HEXB: variants seen among roughly 807,000 people sequenced by gnomAD.
The protein encoded by HEXB is hexosaminidase subunit beta.
HEXB carries 51 observed loss-of-function variants against 71.2 expected under a neutral mutation model. The ratio of observed to expected loss-of-function variants is 0.72; its 90% confidence interval spans 0.57 to 0.90. HEXB has a LOEUF of 0.90. Among genes scored for constraint, HEXB ranks in the 40% least tolerant of loss-of-function variants. The pLI, the probability that HEXB is intolerant of heterozygous loss-of-function variation, is 0.00. For missense variants in HEXB, 617 were observed against 677.0 expected (o/e 0.91, Z 0.98); for synonymous variants, 266 against 249.3 (o/e 1.07, Z -0.63).
At chr5:74,699,664 A>T (rs1749214522) in intron 5 of HEXB, among the ~76,000 whole-genome samples, 1 of 152,250 alleles carries the variant, frequency 6.6e-6, no homozygotes, top group African/African-American at 2.4e-5. Context: ...CATAAATACT[A>T]CTGCAGTGTT....
At chr5:74,694,719 C>A (rs1268912226) in intron 3 of HEXB, among the ~76,000 whole-genome samples, 4 of 152,082 alleles carry the variant, frequency 2.6e-5, no homozygotes, top group Admixed American at 6.6e-5. Flanking sequence ...AATCCCACCA[C>A]TTTGGGAGGT....
chr5:74,716,802 G>A (rs2112177400), intron 9 of HEXB, 129 bp downstream of exon 9: 6 of 623,088 alleles, frequency 9.6e-6, no homozygotes, highest in South Asian at 9.2e-5. Context: ...ACTAAAGGAG[G>A]CAATACCCAC....
chr5:74,648,525 C>G (rs1748042592), intron 1 of HEXB, among the ~76,000 whole-genome samples: 1 of 151,570 alleles, frequency 6.6e-6, no homozygotes, highest in Admixed American at 6.6e-5. Context: ...TTCAGCTTTA[C>G]CCCACAGTTA....
chr5:74,715,126 G>A (rs1749639916), intron 7 of HEXB, among the ~76,000 whole-genome samples: 3 of 152,326 alleles, frequency 2.0e-5, no homozygotes, highest in Middle Eastern at 6.8e-3. Flanking sequence ...GGAGAAGCTA[G>A]AGAAGGGAGC....
At chr5:74,698,517 G>A (rs1157130699) in intron 5 of HEXB, among the ~76,000 whole-genome samples, 1 of 151,610 alleles carries the variant, frequency 6.6e-6, no homozygotes, top group African/African-American at 2.4e-5. Flanking sequence ...TCGGCCTCCC[G>A]AGTAGCTGGG....
chr5:74,686,787 A>G (rs1159926379), intron 1 of HEXB, among the ~76,000 whole-genome samples: 2 of 152,232 alleles, frequency 1.3e-5, no homozygotes, highest in South Asian at 2.1e-4. Context: ...TGGGATATTC[A>G]GAAAGATTGC....
In HEXB at chr5:74,718,814, A is replaced by G. The variant is rs1749738520; in HGVS notation, c.1260A>G (p.Ile420Met). The change falls in exon 11 of 14, where the codon ATA (isoleucine) becomes ATG (methionine). Residue 420 changes from isoleucine to methionine, a missense_variant. Coordinates refer to ENST00000261416, the MANE Select transcript of HEXB (RefSeq NM_000521.4). ...GTTAATAGCTTGCGCCGGGCACAAT[A>G]GTTGAAGTATGGAAAGACAGCGCAT... ...DDKAKLAPGT[I>M]VEVWKDSAYP... The G allele has an allele frequency of 3.7e-6, 6 of 1,614,158 alleles. No individual in the cohort carries two copies. The African/African-American group carries it at 5.3e-5, about 14-fold the overall frequency.
intron 1 of HEXB, among the ~76,000 whole-genome samples, chr5:74,687,565 C>T (rs1009766291): frequency 5.3e-5 from 8 of 152,224 alleles, no homozygotes; most frequent in Admixed American, 6.5e-5. Context: ...ATACCTTTGA[C>T]ATACTGCCTC....
In HEXB at chr5:74,701,663, TG is replaced by T. The variant is rs571646525; in HGVS notation, c.670-3555del. Among the ~76,000 whole-genome samples, 28 of 152,236 alleles carry T rather than the reference TG, an allele frequency of 1.8e-4. No homozygotes were observed. The South Asian group carries it at 5.0e-3, about 27-fold the overall frequency. On this transcript the variant is annotated intron_variant, in intron 5 of 13. Transcript: ENST00000261416. ...TGAAGTCTTAAACTTAGGGAAAAGT[TG>T]TAAATAGTGTGCAAAGAACTCCTAT...
At chr5:74,717,305 A>AT (rs1352911238) in intron 9 of HEXB, among the ~76,000 whole-genome samples, 6 of 152,122 alleles carry the variant, frequency 3.9e-5, no homozygotes, top group South Asian at 2.1e-4. Context: ...AGGAACATAT[A>AT]TTTTACTATA....
intron 6 of HEXB, among the ~76,000 whole-genome samples, chr5:74,710,630 C>G (rs1202934268): frequency 1.3e-5 from 2 of 152,160 alleles, no homozygotes; most frequent in African/African-American, 4.8e-5. Flanking sequence ...CACAAGCATT[C>G]TTATACACCA....
At chr5:74,681,455 T>A (rs190501241), upstream of HEXB, among the ~76,000 whole-genome samples, 160 of 152,274 alleles carry the variant, frequency 1.1e-3, 2 homozygotes, top group Non-Finnish European at 1.6e-3. Context: ...CTGGGTGTAT[T>A]GGTATAGGCC....
chr5:74,715,616 T>C lies in HEXB; in HGVS notation c.1008T>C (p.Phe336=). The C allele has an allele frequency of 6.2e-7, 1 of 1,610,500 alleles. No homozygotes were observed. The highest frequency in any genetic ancestry group is 1.1e-5 in the South Asian group (1 of 90,952). ...CAACATACAGCTTCCTTACTACATTTTTCAAAGAAATTAGTGAGGTGTTTC... is the reference window on the plus strand; with the variant it reads ...CAACATACAGCTTCCTTACTACATTCTTCAAAGAAATTAGTGAGGTGTTTC... ...LNTTYSFLTT[F]FKEISEVFPD... Residue 336 remains phenylalanine (F), a synonymous_variant, in exon 8 of 14, where the codon TTT becomes TTC. Transcript: ENST00000261416.
At chr5:74,668,004 G>A (rs1748464355) in intron 1 of HEXB, among the ~76,000 whole-genome samples, 1 of 152,110 alleles carries the variant, frequency 6.6e-6, no homozygotes, top group Non-Finnish European at 1.5e-5. Flanking sequence ...GGGCTAAATG[G>A]TTCTCAGGGG....
chr5:74,697,953 T>TA (rs1338861951), intron 5 of HEXB, among the ~76,000 whole-genome samples: 1 of 152,030 alleles, frequency 6.6e-6, no homozygotes, highest in Middle Eastern at 3.2e-3. Flanking sequence ...GGCTTTTTTT[T>TA]ATTGGTTAAT....
At position 74,652,447 on chromosome 5, in the gene HEXB, C is replaced by T. The variant is rs1020220346; in HGVS notation, c.-377+11889C>T. Among the ~76,000 whole-genome samples the T allele has an allele frequency of 3.9e-5, 6 of 152,174 alleles. No homozygotes were observed. The highest frequency in any genetic ancestry group is 7.2e-5 in the African/African-American group (3 of 41,448). On this transcript the variant is annotated intron_variant, in intron 1 of 13. Transcript: ENST00000511181. This position sits in a 1 kb window ranked among gnomAD's most constrained non-coding sequence, Gnocchi z 5.4. Reference sequence around the variant, plus strand: ...TCATGTATTTGCTTAATCAATGGTACGAAAATTGCAGCCGCTCCCATGTGT... The same window carrying T: ...TCATGTATTTGCTTAATCAATGGTATGAAAATTGCAGCCGCTCCCATGTGT...
Position 74,716,681 on chromosome 5 carries a change from G to C in HEXB, c.1169+8G>C. On this transcript the variant is annotated splice_region_variant and intron_variant, in intron 9 of 13. Transcript: ENST00000261416. ...ATCTTTCTACATTCAAAAGTAAGTT[G>C]TTTGAAAGCCTATTTCTGTATTAAT... 1.3e-6 allele frequency: 2 copies of C among 1,530,156 alleles called. No individual in the cohort carries two copies. The highest frequency in any genetic ancestry group is 1.8e-6 in the Non-Finnish European group (2 of 1,107,232). The allele number at this position is 1,530,156 out of a possible 1,614,324, so 94.8% of individuals were successfully genotyped here.
intron 3 of HEXB, among the ~76,000 whole-genome samples, chr5:74,695,510 G>A (rs921586824): frequency 3.3e-5 from 5 of 149,740 alleles, no homozygotes; most frequent in Non-Finnish European, 7.4e-5. Context: ...GCCAAGAGAC[G>A]CTTATTGATG....
At chr5:74,685,873 G>A (rs1748859355) in intron 1 of HEXB, among the ~76,000 whole-genome samples, 2 of 152,158 alleles carry the variant, frequency 1.3e-5, no homozygotes, top group African/African-American at 4.8e-5. Flanking sequence ...GGGGAGGAAA[G>A]TGACAGCTCC....
Sources: gnomAD v4.1 joint callset for allele counts (sites outside exome capture counted in the v4.1 genomes callset) on GRCh38, gnomAD v4.1.1 for gene constraint, Gnocchi (gnomAD v3.1) non-coding constraint, MANE v1.5 for transcripts, NCBI Gene and HGNC (gene_info 2026-07-23, HGNC 2026-07-21) for gene names.